The following HERC5 variants were observed in gnomAD, a reference collection of about 807,000 sequenced individuals.
The protein encoded by HERC5 is E3 ISG15--protein ligase HERC5.
Under a neutral mutation model 119.6 loss-of-function variants are expected in HERC5, and 99 were observed. That is an observed-to-expected ratio of 0.83 (90% CI 0.70 to 0.98). The LOEUF is 0.98. Ranked by LOEUF, HERC5 falls within the 50% of genes least tolerant of loss-of-function variation. The probability of loss-of-function intolerance (pLI) is 0.00; values close to 1 mark genes in which losing one functional copy is unlikely to be tolerated. For missense variants in HERC5, 1,267 were observed against 1,241.3 expected, an observed-to-expected ratio of 1.02 and a Z score of -0.31; for synonymous variants, 478 against 445.9, an observed-to-expected ratio of 1.07 and a Z score of -0.91.
At chr4:88,471,015 A>G (rs1740853100) in intron 10 of HERC5, among the ~76,000 whole-genome samples, 1 of 149,646 alleles carries the variant, frequency 6.7e-6, no homozygotes, top group African/African-American at 2.5e-5. Flanking sequence ...GTCGTTGCCC[A>G]TGCTTTAATG....
At chr4:88,494,397 A>G (rs1045986697) in intron 18 of HERC5, 66 bp downstream of exon 18, 4 of 1,284,652 alleles carry the variant, frequency 3.1e-6, no homozygotes, top group Middle Eastern at 3.7e-4. Flanking sequence ...ATTTAAGTAC[A>G]CACGCTTCAT....
chr4:88,500,017 C>A, intron 19 of HERC5, 25 bp downstream of exon 19: 1 of 1,438,208 alleles, frequency 7.0e-7, no homozygotes, highest in Non-Finnish European at 9.8e-7. Flanking sequence ...AAGCAGATAA[C>A]AGATTAGTTT....
At chr4:88,457,950 T>G in intron 1 of HERC5, 1 of 998,664 alleles carries the variant, frequency 1.0e-6, no homozygotes, top group Non-Finnish European at 1.2e-6. Flanking sequence ...GATTTTACCT[T>G]GGCCTTCAGT....
chr4:88,464,310 ATG>A (rs1740568431), intron 6 of HERC5, among the ~76,000 whole-genome samples: 1 of 151,970 alleles, frequency 6.6e-6, no homozygotes, highest in South Asian at 2.1e-4. Flanking sequence ...GAAAAATAAA[ATG>A]TAAATCACAA....
Position 88,486,203 on chromosome 4 carries a change from G to A in HERC5, c.1826G>A (p.Arg609Lys), listed in dbSNP as rs190417497. The A allele has an allele frequency of 5.6e-6, 9 of 1,609,502 alleles. No individual in the cohort carries two copies. In the Admixed American group the frequency reaches 1.3e-4, roughly 24 times the overall value. ...HRLNFFVEVC[R>K]RYLWKMTVDA... ...CTCAATTTTTTTGTAGAAGTATGCA[G>A]AAGGTACTTGTGGAAAATGACTGTG... is the stretch of plus-strand genomic sequence containing the variant. Residue 609 changes from arginine to lysine, a missense_variant, in exon 14 of 23, where the codon AGA becomes AAA. Arg to Lys is a conservative substitution (Grantham distance 26, BLOSUM62 2). This residue lies in a region of HERC5 where 777 missense variants were observed against 758.0 expected (regional missense o/e 1.03). Transcript: ENST00000264350.
chr4:88,486,196 G>A lies in HERC5; in HGVS notation c.1819G>A (p.Val607Ile), dbSNP rs1416961536. 1.1e-5 allele frequency: 18 copies of A among 1,610,978 alleles called. No individual in the cohort carries two copies. The highest frequency in any genetic ancestry group is 1.1e-5 in the South Asian group (1 of 90,714). Residue 607 changes from valine to isoleucine, a missense_variant, in exon 14 of 23, where the codon GTA becomes ATA. Physicochemically the swap from Val to Ile is conservative, Grantham distance 29. This residue lies in a region of HERC5 where 777 missense variants were observed against 758.0 expected (regional missense o/e 1.03). Coordinates refer to ENST00000264350, the MANE Select transcript of HERC5 (RefSeq NM_016323.4). ...LLHRLNFFVE[V>I]CRRYLWKMTV... ...GCACCGTCTCAATTTTTTTGTAGAA[G>A]TATGCAGAAGGTACTTGTGGAAAAT...
chr4:88,466,813 G>A (rs960493058), intron 6 of HERC5, among the ~76,000 whole-genome samples: 5 of 152,168 alleles, frequency 3.3e-5, no homozygotes, highest in Non-Finnish European at 7.3e-5. Context: ...GGCAAGGGGA[G>A]GTGCTTGTTT....
chr4:88,505,352 T>C (rs1742073191), intron 22 of HERC5, among the ~76,000 whole-genome samples: 1 of 152,192 alleles, frequency 6.6e-6, no homozygotes, highest in South Asian at 2.1e-4. Flanking sequence ...TCTCTCTCCT[T>C]ATTCTCAAGC....
In HERC5 at chr4:88,490,556, A is replaced by G. The variant is rs931666722; in HGVS notation, c.2133+1220A>G. 3.9e-5 allele frequency among the ~76,000 whole-genome samples: 6 copies of G among 152,334 alleles called. No individual in the cohort carries two copies. The East Asian group carries it at 1.2e-3, about 29-fold the overall frequency. ...AGTCTCAAGATACCAATTTAAAAGC[A>G]TATTGCCCCAGACACAGTGGCTCAT... On this transcript the variant is annotated intron_variant, in intron 16 of 22. Coordinates refer to ENST00000264350, the MANE Select transcript of HERC5 (RefSeq NM_016323.4).
intron 2 of HERC5, 25 bp from the exon 3 acceptor site, chr4:88,460,070 C>T (rs760089558): frequency 8.0e-7 from 1 of 1,250,126 alleles, no homozygotes; most frequent in East Asian, 2.3e-5. Flanking sequence ...TGGTGATTAA[C>T]ACAAAGTGTA....
In HERC5 at chr4:88,505,823, A is replaced by C. The variant is rs776688113; in HGVS notation, c.3020A>C (p.Glu1007Ala). ...VLFLPKYSTM[E>A]TVEEALQEAI... Reference sequence around the variant, plus strand: ...TTCCTCCCTAAATATTCTACAATGGAAACAGTTGAAGAAGCGCTTCAAGAA... The same window carrying C: ...TTCCTCCCTAAATATTCTACAATGGCAACAGTTGAAGAAGCGCTTCAAGAA... The change falls in exon 23 of 23, where the codon GAA becomes GCA. Residue 1007 changes from glutamate to alanine, a missense_variant. Physicochemically the swap from Glu to Ala is moderately radical, Grantham distance 107. This residue lies in a region of HERC5 where 473 missense variants were observed against 445.7 expected (regional missense o/e 1.06). Transcript: ENST00000264350. The C allele has an allele frequency of 1.9e-6, 3 of 1,613,678 alleles. No homozygotes were observed. The highest frequency in any genetic ancestry group is 2.5e-6 in the Non-Finnish European group (3 of 1,179,798).
chr4:88,506,011 A>G lies in HERC5; in HGVS notation c.*133A>G, dbSNP rs1578072509. 2.9e-6 allele frequency: 2 copies of G among 690,482 alleles called. No individual in the cohort carries two copies. The highest frequency in any genetic ancestry group is 2.0e-5 in the South Asian group (1 of 50,506). The allele number at this position is 690,482 out of a possible 1,614,324, so 42.8% of individuals were successfully genotyped here. On this transcript the variant is annotated 3_prime_UTR_variant, in exon 23 of 23. Transcript: ENST00000264350. ...GCCATGGTTTTTCATTTCTGTCTCT[A>G]GTGATAAGCAGGAAAGAGGGATGAA...
At position 88,487,003 on chromosome 4, in the gene HERC5, A is replaced by G. The variant is rs993065900; in HGVS notation, c.1852-66A>G. ...CTTAAACCATCAGGGATGTAAGGCTATGAGGTAAAGTGTAAGGTTTCTCTG... is the reference window on the plus strand; with the variant it reads ...CTTAAACCATCAGGGATGTAAGGCTGTGAGGTAAAGTGTAAGGTTTCTCTG... On this transcript the variant is annotated intron_variant, in intron 14 of 22. Coordinates refer to ENST00000264350, the MANE Select transcript of HERC5 (RefSeq NM_016323.4). 85 of 1,066,918 alleles carry G rather than the reference A, an allele frequency of 8.0e-5. 2 individuals are homozygous for G. In the South Asian group the frequency reaches 1.1e-3, roughly 14 times the overall value. 66.1% of individuals were successfully genotyped at this position (1,066,918 alleles called of 1,614,324 possible).
intron 18 of HERC5, among the ~76,000 whole-genome samples, chr4:88,494,955 G>A (rs981534198): frequency 6.6e-6 from 1 of 152,194 alleles, no homozygotes; most frequent in African/African-American, 2.4e-5. Context: ...GCAAGGGCTT[G>A]AAAACTTTCA....
chr4:88,464,649 C>T (rs191875837), intron 6 of HERC5, among the ~76,000 whole-genome samples: 108 of 151,578 alleles, frequency 7.1e-4, no homozygotes, highest in African/African-American at 2.0e-3. Context: ...AGTGCAGTGA[C>T]GCAATCTCAG....
In HERC5 at chr4:88,463,585, G is replaced by A; in HGVS notation, c.742G>A (p.Val248Ile). The A allele has an allele frequency of 6.2e-7, 1 of 1,613,800 alleles. No individual in the cohort carries two copies. The highest frequency in any genetic ancestry group is 8.5e-7 in the Non-Finnish European group (1 of 1,179,892). The part of the protein sequence containing the change: ...EGLDNQKVEF[V>I]ACGGSHSALL... The stretch of plus-strand genomic sequence containing the variant: ...ACTAGACAATCAGAAAGTTGAATTT[G>A]TCGCTTGTGGTGGCTCTCACAGTGC... Residue 248 changes from valine (V) to isoleucine (I), a missense_variant, in exon 5 of 23, where the codon GTC becomes ATC. Around this residue, in one of 3 missense-constraint regions of HERC5, gnomAD observed 777 missense variants for 758.0 expected, o/e 1.03. Coordinates refer to ENST00000264350, the MANE Select transcript of HERC5 (RefSeq NM_016323.4).
chr4:88,491,003 G>C (rs993868664), intron 16 of HERC5, among the ~76,000 whole-genome samples: 1 of 152,088 alleles, frequency 6.6e-6, no homozygotes, highest in African/African-American at 2.4e-5. Flanking sequence ...TGTTCATTCA[G>C]TTTTTAAATT....
chr4:88,499,709 C>G (rs559113511), intron 18 of HERC5, among the ~76,000 whole-genome samples: 9 of 152,322 alleles, frequency 5.9e-5, no homozygotes, highest in Non-Finnish European at 1.0e-4. Context: ...GTGAAGCAGG[C>G]AGGCAGCCTG....
rs932344441 is a variant in HERC5, at chr4:88,460,989, C to CA, written c.466+827dup. Among the ~76,000 whole-genome samples, 228 of 148,386 alleles carry CA rather than the reference C, an allele frequency of 1.5e-3. 1 individual carries two copies. The highest frequency in any genetic ancestry group is 4.9e-3 in the African/African-American group (198 of 40,278). ...TGGGTAACTGAGCGAGACCCTGTCT[C>CA]AAAAAAAAAGAAACTTACTGTGAAT... On this transcript the variant is annotated intron_variant, in intron 3 of 22. Transcript: ENST00000264350.
Sources: gnomAD v4.1 joint callset for allele counts (sites outside exome capture counted in the v4.1 genomes callset) on GRCh38, gnomAD v4.1.1 for gene constraint, gnomAD v4.1.1 regional missense constraint, MANE v1.5 for transcripts, NCBI Gene and HGNC (gene_info 2026-07-23, HGNC 2026-07-21) for gene names.